The following STRADA variants were observed in gnomAD, a reference collection of about 807,000 sequenced individuals.
STRADA encodes STE20-related kinase adapter protein alpha.
A neutral mutation model predicts 55.0 loss-of-function variants in STRADA; 26 were observed. The observed-to-expected ratio is 0.47, with a 90% confidence interval of 0.35 to 0.66. The LOEUF (loss-of-function observed/expected upper bound fraction) is 0.66. Among genes scored for constraint, STRADA ranks in the 30% least tolerant of loss-of-function variants. The pLI, the probability that STRADA is intolerant of heterozygous loss-of-function variation, is 0.01. For missense variants in STRADA, 443 were observed against 549.7 expected, an observed-to-expected ratio of 0.81 and a Z score of 1.94; for synonymous variants, 197 against 210.9, an observed-to-expected ratio of 0.93 and a Z score of 0.57.
intron 1 of STRADA, among the ~76,000 whole-genome samples, chr17:63,739,799 T>TTA (rs2038748559): frequency 6.5e-5 from 2 of 30,694 alleles, no homozygotes; most frequent in Admixed American, 2.3e-4. Context: ...ATGTACATAA[T>TTA]TATATGTATA....
intron 1 of STRADA, among the ~76,000 whole-genome samples, chr17:63,738,738 G>A (rs1023377466): frequency 3.3e-5 from 5 of 151,956 alleles, no homozygotes; most frequent in African/African-American, 1.2e-4. Flanking sequence ...TGCACCTGTA[G>A]TCTCAGCTAC....
chr17:63,710,956 T>C, intron 6 of STRADA, 120 bp from the exon 7 acceptor site: 1 of 885,282 alleles, frequency 1.1e-6, no homozygotes, highest in Non-Finnish European at 1.8e-6. Context: ...CTCAGAGTCA[T>C]GGGAACAGCC....
At chr17:63,711,228 TCTCA>T (rs1464908082) in intron 6 of STRADA, among the ~76,000 whole-genome samples, 1 of 152,156 alleles carries the variant, frequency 6.6e-6, no homozygotes, top group African/African-American at 2.4e-5. Flanking sequence ...AGAGACAAGG[TCTCA>T]CTGTGTTGCC....
At chr17:63,723,130 T>C (rs1042684897) in intron 4 of STRADA, among the ~76,000 whole-genome samples, 168 bp downstream of exon 4, 9 of 152,188 alleles carry the variant, frequency 5.9e-5, no homozygotes, top group African/African-American at 2.2e-4. Flanking sequence ...ATCCAAATTT[T>C]TCCAGGGTGA....
At chr17:63,711,522 T>A (rs2036497645) in intron 6 of STRADA, among the ~76,000 whole-genome samples, 1 of 152,134 alleles carries the variant, frequency 6.6e-6, no homozygotes, top group African/African-American at 2.4e-5. Flanking sequence ...AGCTAATTTT[T>A]TATATTTTTT....
chr17:63,707,492 C>G (rs2036179975), intron 8 of STRADA, 74 bp from the exon 9 acceptor site: 5 of 1,438,018 alleles, frequency 3.5e-6, no homozygotes, highest in Non-Finnish European at 4.9e-6. Flanking sequence ...TTCACACACT[C>G]CACCTGGCCA....
At chr17:63,735,476 G>A (rs2038355397) in intron 1 of STRADA, among the ~76,000 whole-genome samples, 1 of 152,144 alleles carries the variant, frequency 6.6e-6, no homozygotes, top group South Asian at 2.1e-4. Flanking sequence ...TGATAGTGAT[G>A]CTTATAATAA....
In STRADA at chr17:63,704,496, C is replaced by T. The variant is rs755719551; in HGVS notation, c.945G>A (p.Ser315=). Reference sequence around the variant, plus strand: ...TCAGGCCAGAGTTGGCCACTGAGCGCGAAGGGCTCATGGTCAGCTCCTCAG... The same window carrying T: ...TCAGGCCAGAGTTGGCCACTGAGCGTGAAGGGCTCATGGTCAGCTCCTCAG... ...IPAEELTMSP[S]RSVANSGLSD... is the part of the protein sequence containing the mutation. Residue 315 remains serine (S), a synonymous_variant, in exon 11 of 13, where the codon TCG becomes TCA. Coordinates refer to ENST00000336174, the MANE Select transcript of STRADA (RefSeq NM_001003787.4). 1.1e-5 allele frequency: 18 copies of T among 1,611,964 alleles called. No individual in the cohort carries two copies. The highest frequency in any genetic ancestry group is 8.9e-5 in the East Asian group (4 of 44,834).
intron 4 of STRADA, among the ~76,000 whole-genome samples, chr17:63,721,889 G>GAT (rs1230358073): frequency 2.0e-5 from 3 of 152,072 alleles, no homozygotes; most frequent in Admixed American, 6.5e-5. Flanking sequence ...ATATTGTATA[G>GAT]GTCCGAACTC....
At chr17:63,714,312 T>C in intron 4 of STRADA, 1 of 532,726 alleles carries the variant, frequency 1.9e-6, no homozygotes, top group Non-Finnish European at 3.5e-6. Context: ...AGTGTTAGGG[T>C]TGTCTACAAA....
chr17:63,707,138 C>T (rs745934844), intron 9 of STRADA, 109 bp downstream of exon 9: 214 of 1,410,324 alleles, frequency 1.5e-4, no homozygotes, highest in Non-Finnish European at 1.9e-4. Context: ...CTCCAGGAAC[C>T]CCTTTACCCC....
At chr17:63,736,520 C>T (rs991353759) in intron 1 of STRADA, among the ~76,000 whole-genome samples, 3 of 151,514 alleles carry the variant, frequency 2.0e-5, no homozygotes, top group Non-Finnish European at 4.4e-5. Context: ...GCCAGCTACT[C>T]GGGAGGCTAA....
At chr17:63,716,206 C>T (rs1013997929) in intron 4 of STRADA, among the ~76,000 whole-genome samples, 2 of 151,824 alleles carry the variant, frequency 1.3e-5, no homozygotes, top group African/African-American at 4.8e-5. Context: ...AGCAATTCTC[C>T]TGCCTCAGCC....
At chr17:63,722,672 C>T (rs1414980920) in intron 4 of STRADA, among the ~76,000 whole-genome samples, 1 of 152,184 alleles carries the variant, frequency 6.6e-6, no homozygotes, top group Admixed American at 6.5e-5. Context: ...GGTTCTTATC[C>T]TCTCTCCTTA....
chr17:63,716,919 G>T (rs1257852977), intron 4 of STRADA, among the ~76,000 whole-genome samples: 1 of 152,226 alleles, frequency 6.6e-6, no homozygotes, highest in Non-Finnish European at 1.5e-5. Context: ...GCCACATAGA[G>T]GCAGAATTTG....
chr17:63,730,706 G>A (rs186322099), intron 1 of STRADA, among the ~76,000 whole-genome samples: 34 of 151,986 alleles, frequency 2.2e-4, no homozygotes, highest in Non-Finnish European at 4.1e-4. Flanking sequence ...ATAGGTACGC[G>A]CACCACTACA....
chr17:63,713,626 A>T (rs942577403), intron 5 of STRADA, 99 bp from the exon 6 acceptor site: 1 of 1,503,410 alleles, frequency 6.7e-7, no homozygotes, highest in Non-Finnish European at 9.0e-7. Context: ...AAAGAAACTT[A>T]ATGTTAAATT....
rs368503506 is a variant in STRADA, at chr17:63,704,517, C to T, written c.924G>A (p.Glu308=). Residue 308 remains glutamate (E), a synonymous_variant, in exon 11 of 13, where the codon GAG becomes GAA. Coordinates refer to ENST00000336174, the MANE Select transcript of STRADA (RefSeq NM_001003787.4). ...CLLDTSTIPA[E]ELTMSPSRSV... The stretch of plus-strand genomic sequence containing the variant: ...AGCGCGAAGGGCTCATGGTCAGCTC[C>T]TCAGCGGGGATGGTGCTGGTATCCA... 1 of 1,602,570 alleles carries T rather than the reference C, an allele frequency of 6.2e-7. No homozygotes were observed. Among genetic ancestry groups the T allele is most frequent in the Non-Finnish European group, 8.5e-7 (1 of 1,173,826 alleles).
At chr17:63,732,235 G>A (rs961785481) in intron 1 of STRADA, among the ~76,000 whole-genome samples, 19 of 151,986 alleles carry the variant, frequency 1.3e-4, no homozygotes, top group South Asian at 4.1e-4. Flanking sequence ...AAACTCCTGA[G>A]CTAAGGCAGT....
Sources: gnomAD v4.1 joint callset for allele counts (sites outside exome capture counted in the v4.1 genomes callset) on GRCh38, gnomAD v4.1.1 for gene constraint, MANE v1.5 for transcripts, NCBI Gene and HGNC (gene_info 2026-07-23, HGNC 2026-07-21) for gene names.